LRRC7: variants seen among roughly 807,000 people sequenced by gnomAD.
LRRC7 encodes leucine-rich repeat-containing protein 7.
A neutral mutation model predicts 175.7 loss-of-function variants in LRRC7; 23 were observed. That is an observed-to-expected ratio of 0.13 (90% CI 0.09 to 0.19). The LOEUF is 0.19. LRRC7 is among the 10% of genes least tolerant of loss of function. The pLI, the probability that LRRC7 is intolerant of heterozygous loss-of-function variation, is 1.00. For synonymous variants in LRRC7, 685 were observed against 680.9 expected, an observed-to-expected ratio of 1.01 and a Z score of -0.09; for missense variants, 1,354 against 1,904.7, an observed-to-expected ratio of 0.71 and a Z score of 5.38.
intron 11 of LRRC7, among the ~76,000 whole-genome samples, chr1:69,995,435 G>A (rs1305043871): frequency 6.6e-6 from 1 of 151,318 alleles, no homozygotes; most frequent in African/African-American, 2.4e-5. Context: ...TAAGTTTTAG[G>A]GTACATGTGC....
chr1:69,594,904 A>G (rs114775382), intron 1 of LRRC7, among the ~76,000 whole-genome samples: 1,545 of 152,308 alleles, frequency 0.01, 24 homozygotes, highest in African/African-American at 0.035. Context: ...CCTGGAAGAC[A>G]TGCTACCTAA....
chr1:70,133,543 C>A lies in LRRC7; in HGVS notation c.*11656C>A, dbSNP rs1216187601. Among the ~76,000 whole-genome samples, 1 of 152,126 alleles carries A rather than the reference C, an allele frequency of 6.6e-6. No individual in the cohort carries two copies. The highest frequency in any genetic ancestry group is 1.5e-5 in the Non-Finnish European group (1 of 68,014). ...CCCCTTGTGCTGATACAATTGCTAA[C>A]AACACCCCTTTCCTTTCTCCTTTGA... On this transcript the variant is annotated 3_prime_UTR_variant, in exon 27 of 27. Coordinates refer to ENST00000651989, the MANE Select transcript of LRRC7 (RefSeq NM_001370785.2).
At chr1:69,962,531 G>A (rs1013009876) in intron 8 of LRRC7, among the ~76,000 whole-genome samples, 6 of 152,118 alleles carry the variant, frequency 3.9e-5, no homozygotes, top group East Asian at 3.9e-4. Context: ...GGATACACAC[G>A]TATGTTCATT....
intron 7 of LRRC7, among the ~76,000 whole-genome samples, chr1:69,911,232 C>T (rs1646519489): frequency 6.6e-6 from 1 of 152,212 alleles, no homozygotes; most frequent in Admixed American, 6.5e-5. Context: ...CTGGCACTCC[C>T]TAGTGAGATG....
intron 3 of LRRC7, among the ~76,000 whole-genome samples, chr1:69,786,052 CA>C (rs1674373599): frequency 6.6e-6 from 1 of 152,062 alleles, no homozygotes; most frequent in Admixed American, 6.5e-5. Flanking sequence ...TGTAACATCT[CA>C]CTCAAGTCAA....
intron 4 of LRRC7, among the ~76,000 whole-genome samples, chr1:69,823,006 C>A (rs935125942): frequency 5.3e-5 from 8 of 152,172 alleles, no homozygotes; most frequent in Non-Finnish European, 1.0e-4. Flanking sequence ...AGTTGAAAAT[C>A]ATTTTCCTTC....
intron 3 of LRRC7, among the ~76,000 whole-genome samples, chr1:69,764,170 C>T (rs1671345196): frequency 6.6e-6 from 1 of 151,920 alleles, no homozygotes; most frequent in Admixed American, 6.6e-5. Flanking sequence ...ATGCCTTTCA[C>T]ACAGTGATAG....
At chr1:70,054,433 T>A (rs1014098785) in intron 23 of LRRC7, among the ~76,000 whole-genome samples, 3 of 152,024 alleles carry the variant, frequency 2.0e-5, no homozygotes, top group African/African-American at 7.2e-5. Context: ...ATAAGAAACC[T>A]ATTGTTATAA....
At chr1:70,097,664 A>C (rs1424289579) in intron 25 of LRRC7, among the ~76,000 whole-genome samples, 5 of 140,978 alleles carry the variant, frequency 3.5e-5, no homozygotes, top group African/African-American at 1.3e-4. Flanking sequence ...TCCTGTGTCC[A>C]TGTGATCTCA....
chr1:69,588,988 T>TGTGTGTGGGTGTGG (rs1553121568), intron 1 of LRRC7, among the ~76,000 whole-genome samples: 8 of 148,074 alleles, frequency 5.4e-5, no homozygotes, highest in African/African-American at 2.0e-4. Flanking sequence ...CTGGGGTCTG[T>TGTGTGTGGGTGTGG]GTGTGTGTGT....
chr1:69,643,120 A>C (rs1264405), intron 1 of LRRC7, among the ~76,000 whole-genome samples: 33,479 of 151,992 alleles, frequency 0.22, 4,172 homozygotes, highest in South Asian at 0.29. Context: ...GGGTGGGAGA[A>C]AATGGGCCTC....
chr1:69,987,604 A>G (rs576189911), intron 10 of LRRC7, among the ~76,000 whole-genome samples: 1 of 152,326 alleles, frequency 6.6e-6, no homozygotes, highest in South Asian at 2.1e-4. Flanking sequence ...AGCTCCACAT[A>G]TGAGTTGTAA....
At chr1:69,590,573 A>G (rs939020689) in intron 1 of LRRC7, among the ~76,000 whole-genome samples, 7 of 152,148 alleles carry the variant, frequency 4.6e-5, no homozygotes, top group African/African-American at 1.7e-4. Flanking sequence ...CTCTTCCACA[A>G]ATCACTACCA....
At chr1:69,987,026 G>A (rs757193679) in intron 10 of LRRC7, among the ~76,000 whole-genome samples, 43 of 152,246 alleles carry the variant, frequency 2.8e-4, no homozygotes, top group East Asian at 1.2e-3. Flanking sequence ...GGTGGGTCAC[G>A]AGGTCAGGAG....
intron 1 of LRRC7, among the ~76,000 whole-genome samples, chr1:69,628,573 G>A (rs1376294482): frequency 2.0e-5 from 3 of 152,110 alleles, no homozygotes; most frequent in Non-Finnish European, 4.4e-5. Flanking sequence ...TAGATTCTGT[G>A]TAATCCCAAT....
chr1:69,947,122 A>AATAAATAC (rs1649413331), intron 8 of LRRC7, among the ~76,000 whole-genome samples: 1 of 151,268 alleles, frequency 6.6e-6, no homozygotes, highest in African/African-American at 2.4e-5. Flanking sequence ...TAAATAAATA[A>AATAAATAC]ATAAATAAAT....
chr1:69,809,193 G>C (rs555485363), intron 4 of LRRC7, among the ~76,000 whole-genome samples: 5 of 151,980 alleles, frequency 3.3e-5, no homozygotes, highest in Non-Finnish European at 7.4e-5. Context: ...ATAAATTCCT[G>C]AACACATACA....
At chr1:69,587,063 T>A (rs1646431258) in intron 1 of LRRC7, among the ~76,000 whole-genome samples, 3 of 152,158 alleles carry the variant, frequency 2.0e-5, no homozygotes, top group Non-Finnish European at 4.4e-5. Flanking sequence ...ATATCTGTTG[T>A]GCCCTTGGAA....
At chr1:69,962,637 T>C (rs1651215767) in intron 8 of LRRC7, among the ~76,000 whole-genome samples, 2 of 152,210 alleles carry the variant, frequency 1.3e-5, no homozygotes, top group African/African-American at 4.8e-5. Context: ...CAAGGAATAC[T>C]ATGCAGCCAT....
Sources: gnomAD v4.1 joint callset for allele counts (sites outside exome capture counted in the v4.1 genomes callset) on GRCh38, gnomAD v4.1.1 for gene constraint, MANE v1.5 for transcripts, NCBI Gene and HGNC (gene_info 2026-07-23, HGNC 2026-07-21) for gene names.